PCDHGA4: variants seen among roughly 807,000 people sequenced by gnomAD.
PCDHGA4 encodes the protein protocadherin gamma-A4.
In PCDHGA4, 38 loss-of-function variants were observed where a neutral mutation model predicts 54.6. The ratio of observed to expected loss-of-function variants is 0.70; its 90% confidence interval spans 0.54 to 0.91. The LOEUF (loss-of-function observed/expected upper bound fraction) is 0.91, where lower values mean the gene tolerates loss of function less well. PCDHGA4 is among the 40% of genes least tolerant of loss of function. The probability of loss-of-function intolerance (pLI) is 0.00; values close to 1 mark genes in which losing one functional copy is unlikely to be tolerated. For synonymous variants in PCDHGA4, 511 were observed against 512.9 expected, an observed-to-expected ratio of 1.00 and a Z score of 0.05; for missense variants, 1,298 against 1,220.9, an observed-to-expected ratio of 1.06 and a Z score of -0.94.
In PCDHGA4 at chr5:141,356,795, T is replaced by G; in HGVS notation, c.1688T>G (p.Met563Arg). The G allele has an allele frequency of 1.2e-6, 2 of 1,613,984 alleles. No homozygotes were observed. The highest frequency in any genetic ancestry group is 1.7e-6 in the Non-Finnish European group (2 of 1,179,868). ...CAGTTTAGAGACCTGCAGCTGCTGA[T>G]GACAGCCAGTGACAGTGGAGACCCT... ...YEQFRDLQLL[M>R]TASDSGDPPL... The change falls in exon 1 of 4, where the codon ATG (methionine) becomes AGG (arginine). Residue 563 changes from methionine to arginine, a missense_variant. Met to Arg is a moderately conservative substitution (Grantham distance 91). Coordinates refer to ENST00000571252, the MANE Select transcript of PCDHGA4 (RefSeq NM_018917.4).
At chr5:141,422,561 A>T in intron 1 of PCDHGA4, 1 of 1,613,992 alleles carries the variant, frequency 6.2e-7, no homozygotes, top group Non-Finnish European at 8.5e-7. Context: ...AATGTGGCAG[A>T]TGACAACGAT....
In PCDHGA4 at chr5:141,357,431, A is replaced by G. The variant is rs780395182; in HGVS notation, c.2324A>G (p.Asp775Gly). 15 of 1,614,198 alleles carry G rather than the reference A, an allele frequency of 9.3e-6. No homozygotes were observed. Among genetic ancestry groups the G allele is most frequent in the Non-Finnish European group, 1.2e-5 (14 of 1,180,042 alleles). The change falls in exon 1 of 4, where the codon GAC (aspartate) becomes GGC (glycine). Residue 775 changes from aspartate to glycine, a missense_variant. Asp to Gly is a moderately conservative substitution (Grantham distance 94). Transcript: ENST00000571252. Reference protein sequence around the residue: ...GVPASHFVGVDGVRAFLQTYS... With the variant: ...GVPASHFVGVGGVRAFLQTYS... The stretch of plus-strand genomic sequence containing the variant: ...CCTGCCTCGCACTTTGTGGGCGTGG[A>G]CGGGGTTCGGGCTTTCCTGCAGACC...
chr5:141,476,601 C>A lies in PCDHGA4; in HGVS notation c.2515-18206C>A. On this transcript the variant is annotated intron_variant, in intron 1 of 3. Coordinates refer to ENST00000571252, the MANE Select transcript of PCDHGA4 (RefSeq NM_018917.4). The surrounding 1 kb of genome is among the most constrained non-coding windows in gnomAD (Gnocchi z 7.6). ...TTTCCGCTCGAGAGCGCGCACGATC[C>A]CGATGTGGGAAGCAACTCTTTACAA... The A allele has an allele frequency of 6.2e-7, 1 of 1,614,228 alleles. No homozygotes were observed. The highest frequency in any genetic ancestry group is 2.2e-5 in the East Asian group (1 of 44,878).
At chr5:141,416,913 G>C (rs2096067624) in intron 1 of PCDHGA4, 1 of 151,920 alleles carries the variant, frequency 6.6e-6, no homozygotes, top group South Asian at 2.1e-4. Context: ...ACACTCTTTA[G>C]GGTCATAGTT....
In PCDHGA4 at chr5:141,431,129, A is replaced by G. The variant is rs771219303; in HGVS notation, c.2515-63678A>G. The G allele has an allele frequency of 7.4e-6, 12 of 1,614,152 alleles. No homozygotes were observed. The Admixed American group carries it at 1.7e-4, about 22-fold the overall frequency. Reference sequence around the variant, plus strand: ...AATATATGGAGTAGAAGTAGAAGTAAGGGACATTAACGACAATGCGCCTTA... The same window carrying G: ...AATATATGGAGTAGAAGTAGAAGTAGGGGACATTAACGACAATGCGCCTTA... On this transcript the variant is annotated intron_variant, in intron 1 of 3. Coordinates refer to ENST00000571252, the MANE Select transcript of PCDHGA4 (RefSeq NM_018917.4). The surrounding 1 kb of genome is among the most constrained non-coding windows in gnomAD (Gnocchi z 4.8).
At chr5:141,465,945 AC>A (rs761290693) in intron 1 of PCDHGA4, among the ~76,000 whole-genome samples, 7 of 151,958 alleles carry the variant, frequency 4.6e-5, no homozygotes, top group Non-Finnish European at 5.9e-5. Context: ...ACATGGTGAA[AC>A]CCCATCTCTA....
intron 1 of PCDHGA4, chr5:141,405,414 T>C (rs758249146): frequency 1.1e-4 from 169 of 1,562,196 alleles, no homozygotes; most frequent in Non-Finnish European, 1.5e-4. Context: ...TTTCTTTTTT[T>C]GTTTTTTGTT....
At chr5:141,452,380 G>A (rs1003689226) in intron 1 of PCDHGA4, among the ~76,000 whole-genome samples, 2 of 152,192 alleles carry the variant, frequency 1.3e-5, no homozygotes, top group Admixed American at 1.3e-4. Context: ...GTAGGGAATA[G>A]TATTTAGAAA....
rs1760030024 is a variant in PCDHGA4, at chr5:141,355,886, T to A, written c.779T>A (p.Leu260His). The change falls in exon 1 of 4, where the codon CTC becomes CAC. Residue 260 changes from leucine to histidine, a missense_variant. Transcript: ENST00000571252. ...DPVRSGTARI[L>H]IILVDTNDNA... ...GTTCGCTCTGGCACTGCCAGGATTC[T>A]CATAATACTTGTGGATACCAACGAT... The A allele has an allele frequency of 1.2e-6, 2 of 1,613,424 alleles. No homozygotes were observed. The highest frequency in any genetic ancestry group is 2.7e-5 in the African/African-American group (2 of 74,900).
At chr5:141,408,850 C>T (rs2095179070) in intron 1 of PCDHGA4, 2 of 1,613,554 alleles carry the variant, frequency 1.2e-6, no homozygotes, top group South Asian at 1.1e-5. Context: ...CTGCCTTGGA[C>T]GGAGGGGACC....
At chr5:141,415,259 T>C (rs778452630) in intron 1 of PCDHGA4, 1 of 1,614,108 alleles carries the variant, frequency 6.2e-7, no homozygotes, top group Non-Finnish European at 8.5e-7. Flanking sequence ...GACCTCACTC[T>C]GTACCTGGTG....
chr5:141,415,704 T>C (rs1262137262), intron 1 of PCDHGA4: 1 of 1,344,464 alleles, frequency 7.4e-7, no homozygotes, highest in South Asian at 1.3e-5. Context: ...GTGTAAATGC[T>C]AAAACACTGA....
chr5:141,464,725 A>G (rs538200804), intron 1 of PCDHGA4, among the ~76,000 whole-genome samples: 27 of 152,178 alleles, frequency 1.8e-4, no homozygotes, highest in African/African-American at 5.1e-4. Flanking sequence ...TCATATGTTT[A>G]AAAGCCAGTT....
chr5:141,432,061 G>T lies in PCDHGA4; in HGVS notation c.2515-62746G>T. On this transcript the variant is annotated intron_variant, in intron 1 of 3. Coordinates refer to ENST00000571252, the MANE Select transcript of PCDHGA4 (RefSeq NM_018917.4). The surrounding 1 kb of genome is among the most constrained non-coding windows in gnomAD (Gnocchi z 6.0). ...ACCGGGGAACCCCGCCCCTATCCAC[G>T]GAAACTCATATCTCGCTGAACGTGG... 1.9e-6 allele frequency: 3 copies of T among 1,614,130 alleles called. No homozygotes were observed. The highest frequency in any genetic ancestry group is 2.5e-6 in the Non-Finnish European group (3 of 1,180,034).
chr5:141,408,299 A>C, intron 1 of PCDHGA4: 1 of 1,613,662 alleles, frequency 6.2e-7, no homozygotes, highest in Non-Finnish European at 8.5e-7. Context: ...GAGTGAGCCG[A>C]TCCGCTACTC....
At position 141,484,779 on chromosome 5, in the gene PCDHGA4, C is replaced by G. The variant is rs186158562; in HGVS notation, c.2515-10028C>G. On this transcript the variant is annotated intron_variant, in intron 1 of 3. Transcript: ENST00000571252. ...ATATATATATATGTTGTCTGCCTCCCCACAGAGATAACAACCCGTGGAAAA... is the reference window on the plus strand; with the variant it reads ...ATATATATATATGTTGTCTGCCTCCGCACAGAGATAACAACCCGTGGAAAA... Among the ~76,000 whole-genome samples, 137 of 152,130 alleles carry G rather than the reference C, an allele frequency of 9.0e-4. 1 individual carries two copies. Among genetic ancestry groups the G allele is most frequent in the Non-Finnish European group, 1.6e-3 (110 of 67,996 alleles).
At chr5:141,384,890 TG>T in intron 1 of PCDHGA4, 1 of 1,613,868 alleles carries the variant, frequency 6.2e-7, no homozygotes, top group Non-Finnish European at 8.5e-7. Flanking sequence ...ACCGTGGCTG[TG>T]GCTGACAGCA....
At chr5:141,500,355 C>G (rs539892249) in intron 2 of PCDHGA4, among the ~76,000 whole-genome samples, 2 of 151,912 alleles carry the variant, frequency 1.3e-5, no homozygotes, top group Non-Finnish European at 2.9e-5. Flanking sequence ...ACTACAGGCG[C>G]CCACTACCAC....
chr5:141,467,781 C>T (rs2099151581), intron 1 of PCDHGA4, among the ~76,000 whole-genome samples: 1 of 152,228 alleles, frequency 6.6e-6, no homozygotes, highest in South Asian at 2.1e-4. Context: ...ACCTCAGCCT[C>T]TCAAGTAGCT....
Sources: allele counts gnomAD v4.1 joint callset (sites outside exome capture counted in the v4.1 genomes callset), GRCh38; gene constraint gnomAD v4.1.1; non-coding constraint Gnocchi (gnomAD v3.1); transcripts MANE v1.5; gene names NCBI Gene and HGNC (gene_info 2026-07-23, HGNC 2026-07-21).